EDEM3: variants seen among roughly 807,000 people sequenced by gnomAD.
EDEM3 encodes ER degradation-enhancing alpha-mannosidase-like protein 3.
Under a neutral mutation model 110.2 loss-of-function variants are expected in EDEM3, and 60 were observed. The ratio of observed to expected loss-of-function variants is 0.54; its 90% CI spans 0.44 to 0.67. EDEM3 has a LOEUF of 0.67. EDEM3 is among the 30% of genes least tolerant of loss of function. The probability of loss-of-function intolerance (pLI) is 0.00; values close to 1 mark genes in which losing one functional copy is unlikely to be tolerated. For missense variants in EDEM3, 996 were observed against 1,121.0 expected, an observed-to-expected ratio of 0.89 and a Z score of 1.59; for synonymous variants, 352 against 382.9, an observed-to-expected ratio of 0.92 and a Z score of 0.94.
At chr1:184,701,636 C>T in intron 19 of EDEM3, 1 of 844,180 alleles carries the variant, frequency 1.2e-6, no homozygotes, top group Non-Finnish European at 1.6e-6. Context: ...GTTAGATGTG[C>T]CTAAATGCAT....
chr1:184,725,711 T>C (rs1466218121), intron 7 of EDEM3, among the ~76,000 whole-genome samples: 3 of 151,948 alleles, frequency 2.0e-5, no homozygotes. Flanking sequence ...AATGACATGC[T>C]TAAATAATTA....
intron 15 of EDEM3, 127 bp from the exon 16 acceptor site, chr1:184,710,674 T>G: frequency 9.3e-7 from 1 of 1,078,174 alleles, no homozygotes; most frequent in Non-Finnish European, 1.3e-6. Flanking sequence ...CTGGAATAAC[T>G]AGAAAGTATT....
intron 6 of EDEM3, 73 bp downstream of exon 6, chr1:184,732,764 C>T: frequency 6.9e-7 from 1 of 1,447,302 alleles, no homozygotes; most frequent in Non-Finnish European, 9.3e-7. Flanking sequence ...AACAATGGCT[C>T]TGATCACAAA....
At chr1:184,718,882 T>C (rs1322285410) in intron 11 of EDEM3, among the ~76,000 whole-genome samples, 3 of 151,872 alleles carry the variant, frequency 2.0e-5, no homozygotes, top group Admixed American at 6.6e-5. Context: ...TTAGGAAGAG[T>C]TGAGAAGAAC....
chr1:184,718,373 T>C (rs938015744), intron 11 of EDEM3, among the ~76,000 whole-genome samples: 1 of 152,104 alleles, frequency 6.6e-6, no homozygotes, highest in Non-Finnish European at 1.5e-5. Flanking sequence ...TTGTGATAGA[T>C]GTATTAATTG....
At chr1:184,721,902 A>C (rs1006323783) in intron 8 of EDEM3, among the ~76,000 whole-genome samples, 1 of 152,110 alleles carries the variant, frequency 6.6e-6, no homozygotes, top group East Asian at 1.9e-4. Context: ...AACCAACTCT[A>C]GACAAAAATG....
intron 2 of EDEM3, among the ~76,000 whole-genome samples, chr1:184,744,966 G>C (rs1652349144): frequency 1.3e-5 from 2 of 152,076 alleles, no homozygotes; most frequent in Admixed American, 1.3e-4. Flanking sequence ...CTAGGCGTCA[G>C]AGGTGGGGAG....
At chr1:184,695,315 T>C (rs910286001) in intron 19 of EDEM3, among the ~76,000 whole-genome samples, 6 of 151,996 alleles carry the variant, frequency 3.9e-5, no homozygotes, top group African/African-American at 1.4e-4. Flanking sequence ...CAATACCAAA[T>C]GCTATACCTG....
chr1:184,733,607 A>C (rs1056466806), intron 5 of EDEM3, among the ~76,000 whole-genome samples: 1 of 152,204 alleles, frequency 6.6e-6, no homozygotes, highest in Non-Finnish European at 1.5e-5. Flanking sequence ...AGGCAGGTGG[A>C]TCACGAGGTC....
At chr1:184,731,835 G>A (rs1013890400) in intron 6 of EDEM3, among the ~76,000 whole-genome samples, 1 of 152,136 alleles carries the variant, frequency 6.6e-6, no homozygotes, top group African/African-American at 2.4e-5. Flanking sequence ...ATGAGATCCT[G>A]TCATTTACAA....
At position 184,752,764 on chromosome 1, in the gene EDEM3, G is replaced by C. The variant is rs550450188; in HGVS notation, c.158+1725C>G. Reference sequence around the variant, plus strand: ...ATGAACGTGCAACATACTGGAGAGAGCCTGGCTCTGGGATCAGACAGGCTT... The same window carrying C: ...ATGAACGTGCAACATACTGGAGAGACCCTGGCTCTGGGATCAGACAGGCTT... On this transcript the variant is annotated intron_variant, in intron 1 of 19. Transcript: ENST00000318130. Among the ~76,000 whole-genome samples the C allele has an allele frequency of 2.6e-5, 4 of 152,300 alleles. No individual in the cohort carries two copies. The East Asian group carries it at 7.7e-4, about 29-fold the overall frequency.
intron 6 of EDEM3, among the ~76,000 whole-genome samples, chr1:184,727,298 T>A (rs952754210): frequency 6.6e-6 from 1 of 152,042 alleles, no homozygotes; most frequent in African/African-American, 2.4e-5. Context: ...TATTACAATA[T>A]GAATCTGGAT....
intron 2 of EDEM3, among the ~76,000 whole-genome samples, chr1:184,740,869 G>A (rs979625175): frequency 1.3e-5 from 2 of 152,132 alleles, no homozygotes; most frequent in African/African-American, 4.8e-5. Flanking sequence ...GGTTGAAGAT[G>A]TCACAGAAAA....
Position 184,693,718 on chromosome 1 carries a change from C to T in EDEM3, c.*345G>A, listed in dbSNP as rs1308834973. On this transcript the variant is annotated 3_prime_UTR_variant, in exon 20 of 20. Coordinates refer to ENST00000318130, the MANE Select transcript of EDEM3 (RefSeq NM_025191.4). ...CTATCCAAACTCCTATTCCCCACTC[C>T]ACTACTAAATGAATTTTGTTTCTTG... 5.9e-5 allele frequency: 11 copies of T among 187,748 alleles called. No individual in the cohort carries two copies. Among genetic ancestry groups the T allele is most frequent in the Non-Finnish European group, 4.4e-5 (4 of 89,888 alleles). 11.6% of individuals were successfully genotyped at this position (187,748 alleles called of 1,614,324 possible).
intron 17 of EDEM3, among the ~76,000 whole-genome samples, chr1:184,707,399 A>G (rs1306921357): frequency 6.6e-6 from 1 of 152,222 alleles, no homozygotes; most frequent in East Asian, 1.9e-4. Flanking sequence ...TGTAAATTCC[A>G]TAAGGGCATG....
In EDEM3 at chr1:184,706,654, C is replaced by G. The variant is rs756773509; in HGVS notation, c.2192G>C (p.Gly731Ala). ...GGATGATTACTTACCAATAACAATG[C>G]CACCAATGGCTCCAGCATTCTGGAT... ...RNIQNAGAIG[G>A]IVIDDNEGSS... The change falls in exon 18 of 20, where the codon GGC (glycine) becomes GCC (alanine). Residue 731 changes from glycine to alanine, a missense_variant. This residue lies in a region of EDEM3 where 345 missense variants were observed against 402.0 expected (regional missense o/e 0.86). Coordinates refer to ENST00000318130, the MANE Select transcript of EDEM3 (RefSeq NM_025191.4). 6.2e-7 allele frequency: 1 copy of G among 1,610,866 alleles called. No homozygotes were observed. The highest frequency in any genetic ancestry group is 1.3e-5 in the African/African-American group (1 of 74,982).
In EDEM3 at chr1:184,691,157, T is replaced by C. The variant is rs1571334044; in HGVS notation, c.*2906A>G. On this transcript the variant is annotated 3_prime_UTR_variant, in exon 20 of 20. Transcript: ENST00000318130. ...AACAATTATACTCTTTTTGGAAGCC[T>C]ATTGCAATTTAAGAAGAAAAAAGAA... 6.6e-6 allele frequency: 1 copy of C among 152,516 alleles called. No individual in the cohort carries two copies. The highest frequency in any genetic ancestry group is 2.4e-5 in the African/African-American group (1 of 41,426). 9.4% of individuals were successfully genotyped at this position (152,516 alleles called of 1,614,324 possible).
chr1:184,701,454 A>C, intron 19 of EDEM3: 1 of 1,178,028 alleles, frequency 8.5e-7, no homozygotes, highest in Non-Finnish European at 1.1e-6. Context: ...CCAAATACAT[A>C]TATACGTATA....
chr1:184,736,982 T>A (rs1651860521), intron 4 of EDEM3, 43 bp downstream of exon 4: 31 of 1,467,810 alleles, frequency 2.1e-5, no homozygotes, highest in Non-Finnish European at 2.9e-5. Flanking sequence ...TACTTAAGTG[T>A]GCATATCATG....
Sources: gnomAD v4.1 joint callset for allele counts (sites outside exome capture counted in the v4.1 genomes callset) on GRCh38, gnomAD v4.1.1 for gene constraint, gnomAD v4.1.1 regional missense constraint, MANE v1.5 for transcripts, NCBI Gene and HGNC (gene_info 2026-07-23, HGNC 2026-07-21) for gene names.